The following TLL2 variants were observed in gnomAD, a reference collection of about 807,000 sequenced individuals.
The protein encoded by TLL2 is tolloid-like protein 2.
TLL2 carries 106 observed loss-of-function variants against 123.0 expected under a neutral mutation model. The observed-to-expected ratio is 0.86, with a 90% CI of 0.74 to 1.01. The LOEUF (loss-of-function observed/expected upper bound fraction) is 1.01. TLL2 is among the 50% of genes least tolerant of loss of function. TLL2 has a pLI of 0.00. For missense variants in TLL2, 1,332 were observed against 1,336.7 expected (o/e 1.00, Z 0.06); for synonymous variants, 494 against 516.8 (o/e 0.96, Z 0.60).
At chr10:96,493,141 C>A (rs755369979) in intron 1 of TLL2, among the ~76,000 whole-genome samples, 24 of 152,188 alleles carry the variant, frequency 1.6e-4, no homozygotes, top group Non-Finnish European at 2.6e-4. Flanking sequence ...GGACAGCAAA[C>A]CCGTGCAATG....
intron 10 of TLL2, among the ~76,000 whole-genome samples, chr10:96,397,850 T>C (rs906911004): frequency 6.6e-6 from 1 of 152,126 alleles, no homozygotes; most frequent in African/African-American, 2.4e-5. Context: ...CGTAGGAGGG[T>C]TCCTAGGATG....
At chr10:96,503,852 C>T (rs1372272817) in intron 1 of TLL2, among the ~76,000 whole-genome samples, 1 of 152,176 alleles carries the variant, frequency 6.6e-6, no homozygotes, top group Non-Finnish European at 1.5e-5. Flanking sequence ...GGCTTTGGTG[C>T]TCAGGGAACA....
In TLL2 at chr10:96,380,475, G is replaced by A. The variant is rs190248136; in HGVS notation, c.2195-1383C>T. ...AGGCGGATCACGAGATCAGGAGATT[G>A]AGACCATCCTGGCTAACACGGTGAA... On this transcript the variant is annotated intron_variant, in intron 16 of 20. Transcript: ENST00000357947. Among the ~76,000 whole-genome samples, 970 of 152,040 alleles carry A rather than the reference G, an allele frequency of 6.4e-3. 6 individuals carry two copies. Among genetic ancestry groups the A allele is most frequent in the Non-Finnish European group, 8.6e-3 (583 of 67,984 alleles).
chr10:96,444,211 A>C (rs1382729407), intron 3 of TLL2, among the ~76,000 whole-genome samples: 1 of 152,240 alleles, frequency 6.6e-6, no homozygotes. Flanking sequence ...GAATTGTTAC[A>C]CCTTTTGAAA....
chr10:96,504,515 C>A (rs1023091589), intron 1 of TLL2, among the ~76,000 whole-genome samples: 4 of 152,264 alleles, frequency 2.6e-5, no homozygotes, highest in African/African-American at 9.6e-5. Flanking sequence ...GAGGCTGAGG[C>A]ACAGGAATCA....
Position 96,411,390 on chromosome 10 carries a change from G to A in TLL2, c.1049-916C>T, listed in dbSNP as rs141049007. Among the ~76,000 whole-genome samples, 414 of 151,196 alleles carry A rather than the reference G, an allele frequency of 2.7e-3. 1 individual carries two copies. Among genetic ancestry groups the A allele is most frequent in the African/African-American group, 9.7e-3 (401 of 41,136 alleles). ...TCTTCCTTTTCTGCTACTCACTTCT[G>A]AAAGAACTATAAAGCAGTCAAGAAA... On this transcript the variant is annotated intron_variant, in intron 8 of 20. Coordinates refer to ENST00000357947, the MANE Select transcript of TLL2 (RefSeq NM_012465.4).
intron 3 of TLL2, among the ~76,000 whole-genome samples, chr10:96,440,061 G>A (rs1253720003): frequency 6.6e-6 from 1 of 152,164 alleles, no homozygotes; most frequent in African/African-American, 2.4e-5. Context: ...CACATGTTCT[G>A]TTTGCTAGAA....
rs148764221 is a variant in TLL2 at position 96,435,024 on chromosome 10, CT to C, written c.365-2063del. Among the ~76,000 whole-genome samples, 408 of 144,940 alleles carry C rather than the reference CT, an allele frequency of 2.8e-3. 3 individuals are homozygous for C. Among genetic ancestry groups the C allele is most frequent in the African/African-American group, 9.4e-3 (370 of 39,262 alleles). On this transcript the variant is annotated intron_variant, in intron 3 of 20. Transcript: ENST00000357947. ...TCTATTCAAATTATTTATTCATTTCCTTTTTTTTTTCTTTTTTTTTTTTTTG... is the reference window on the plus strand; with the variant it reads ...TCTATTCAAATTATTTATTCATTTCCTTTTTTTTTCTTTTTTTTTTTTTTG...
chr10:96,401,302 C>T (rs1846391500), intron 10 of TLL2, among the ~76,000 whole-genome samples: 1 of 152,204 alleles, frequency 6.6e-6, no homozygotes, highest in Non-Finnish European at 1.5e-5. Flanking sequence ...GCTCTCCCTC[C>T]TGCCAAAGGG....
chr10:96,432,048 T>TG (rs1213233905), intron 4 of TLL2, among the ~76,000 whole-genome samples: 2 of 151,560 alleles, frequency 1.3e-5, no homozygotes, highest in Non-Finnish European at 2.9e-5. Flanking sequence ...AGAGGGACAG[T>TG]GGGGTACTTG....
At chr10:96,479,174 G>A (rs770168303) in intron 2 of TLL2, among the ~76,000 whole-genome samples, 3 of 152,092 alleles carry the variant, frequency 2.0e-5, no homozygotes, top group African/African-American at 7.2e-5. Context: ...AACCTTATAC[G>A]AGACCTCAAA....
chr10:96,511,240 C>T (rs1463707397), intron 1 of TLL2, among the ~76,000 whole-genome samples: 1 of 152,226 alleles, frequency 6.6e-6, no homozygotes, highest in Non-Finnish European at 1.5e-5. Context: ...AATGCAGTGT[C>T]CCGCTAGCCA....
At chr10:96,392,386 T>C (rs759669105) in intron 13 of TLL2, among the ~76,000 whole-genome samples, 5 of 152,076 alleles carry the variant, frequency 3.3e-5, no homozygotes, top group Non-Finnish European at 5.9e-5. Flanking sequence ...ATGTGATATT[T>C]GGGACACATA....
At chr10:96,395,410 A>G (rs1390293184) in intron 12 of TLL2, 28 bp from the exon 13 acceptor site, 2 of 1,543,624 alleles carry the variant, frequency 1.3e-6, no homozygotes, top group Non-Finnish European at 1.7e-6. Flanking sequence ...GGCAAGGTGG[A>G]TGGCAGATGG....
chr10:96,504,989 C>A (rs1020862459), intron 1 of TLL2, among the ~76,000 whole-genome samples: 1 of 152,118 alleles, frequency 6.6e-6, no homozygotes, highest in Non-Finnish European at 1.5e-5. Flanking sequence ...GCCTGGGCGA[C>A]AGAGCGAGAC....
chr10:96,426,226 T>C (rs899465263), intron 5 of TLL2, among the ~76,000 whole-genome samples: 2 of 152,156 alleles, frequency 1.3e-5, no homozygotes, highest in African/African-American at 4.8e-5. Flanking sequence ...GATAAATGTA[T>C]TTGGCAGTCT....
chr10:96,460,703 A>G (rs1006772515), intron 2 of TLL2, among the ~76,000 whole-genome samples: 1 of 152,154 alleles, frequency 6.6e-6, no homozygotes, highest in African/African-American at 2.4e-5. Context: ...CTCCCCAGCC[A>G]CACTTCCTGT....
chr10:96,504,712 G>A (rs1282019546), intron 1 of TLL2, among the ~76,000 whole-genome samples: 1 of 152,114 alleles, frequency 6.6e-6, no homozygotes, highest in African/African-American at 2.4e-5. Context: ...CTACTGTAAA[G>A]ATACTGCCTG....
intron 18 of TLL2, among the ~76,000 whole-genome samples, chr10:96,376,173 G>C (rs1420511715): frequency 6.6e-6 from 1 of 152,210 alleles, no homozygotes; most frequent in Non-Finnish European, 1.5e-5. Flanking sequence ...TTTTATTAGA[G>C]GAATTTGAGT....
Sources: gnomAD v4.1 joint callset for allele counts (sites outside exome capture counted in the v4.1 genomes callset) on GRCh38, gnomAD v4.1.1 for gene constraint, MANE v1.5 for transcripts, NCBI Gene and HGNC (gene_info 2026-07-23, HGNC 2026-07-21) for gene names.